The following PUDP variants were observed in gnomAD, a reference collection of about 807,000 sequenced individuals.
The protein encoded by PUDP is pseudouridine-5'-phosphatase.
A neutral mutation model predicts 9.4 loss-of-function variants in PUDP; 8 were observed. That is an observed-to-expected ratio of 0.85 (90% confidence interval 0.50 to 1.53). The LOEUF (loss-of-function observed/expected upper bound fraction) is 1.53, where lower values mean the gene tolerates loss of function less well. Ranked by LOEUF, PUDP falls within the 40% of genes most tolerant of loss-of-function variation. The pLI is 0.00. For synonymous variants in PUDP, 99 were observed against 80.7 expected (o/e 1.23, Z -1.22); for missense variants, 188 against 189.7 (o/e 0.99, Z 0.05).
chrX:7,056,768 G>A (rs901216656), intron 3 of PUDP, among the ~76,000 whole-genome samples: 1 of 111,772 alleles, frequency 8.9e-6, no homozygotes, highest in African/African-American at 3.3e-5. Context: ...GAAAGTCAGC[G>A]CTAGGGAATA....
At chrX:7,144,786 G>T (rs958872295) in intron 1 of PUDP, among the ~76,000 whole-genome samples, 3 of 111,807 alleles carry the variant, frequency 2.7e-5, no homozygotes, top group African/African-American at 9.8e-5. Context: ...ACCCTTCGCA[G>T]ATCTACCTTA....
intron 2 of PUDP, among the ~76,000 whole-genome samples, chrX:7,096,378 G>A (rs752690723): frequency 9.0e-6 from 1 of 111,169 alleles, no homozygotes; most frequent in South Asian, 3.8e-4. Context: ...CAAACACATA[G>A]GCATCATAAG....
At chrX:7,144,565 C>G (rs770115127) in intron 1 of PUDP, among the ~76,000 whole-genome samples, 1 of 111,017 alleles carries the variant, frequency 9.0e-6, no homozygotes, top group Admixed American at 9.6e-5. Flanking sequence ...CCTCCATGAC[C>G]TTTTAGGGTC....
chrX:6,854,837 G>C (rs1252545499), intron 3 of PUDP, among the ~76,000 whole-genome samples: 15 of 109,023 alleles, frequency 1.4e-4, no homozygotes, highest in African/African-American at 5.0e-4. Context: ...GTGCAGAGGT[G>C]GAAGGAAGTT....
intron 1 of PUDP, among the ~76,000 whole-genome samples, chrX:6,994,037 A>G (rs924011358): frequency 5.3e-5 from 6 of 112,869 alleles, no homozygotes; most frequent in Admixed American, 9.3e-5. Context: ...ATAAACCTAC[A>G]AAAATAATGT....
At chrX:6,746,002 G>T (rs1039941440) in intron 3 of PUDP, among the ~76,000 whole-genome samples, 29 of 111,710 alleles carry the variant, frequency 2.6e-4, no homozygotes, top group African/African-American at 8.8e-4. Flanking sequence ...CATAGAGAGG[G>T]GCAAGATCCA....
At chrX:6,751,523 C>A (rs1342466756) in intron 3 of PUDP, among the ~76,000 whole-genome samples, 1 of 111,516 alleles carries the variant, frequency 9.0e-6, no homozygotes, top group African/African-American at 3.3e-5. Flanking sequence ...TGAAAAATAC[C>A]AGATATTTCC....
At chrX:6,773,739 C>T (rs1001593567) in intron 3 of PUDP, among the ~76,000 whole-genome samples, 3 of 111,428 alleles carry the variant, frequency 2.7e-5, no homozygotes, top group Non-Finnish European at 3.8e-5. Flanking sequence ...ACGGCAACAC[C>T]CAGGAGTTTC....
chrX:7,044,965 T>C (rs1929966001), downstream of PUDP, among the ~76,000 whole-genome samples: 1 of 112,368 alleles, frequency 8.9e-6, no homozygotes, highest in Non-Finnish European at 1.9e-5. Flanking sequence ...GGTAAAGGAA[T>C]GGTACCCTTC....
At chrX:6,828,637 TGGA>T (rs1261815212) in intron 3 of PUDP, among the ~76,000 whole-genome samples, 11 of 111,215 alleles carry the variant, frequency 9.9e-5, no homozygotes, top group Non-Finnish European at 2.1e-4. Flanking sequence ...ATCATGACAT[TGGA>T]TCCACCACTG....
chrX:6,921,863 T>C (rs758463137), intron 3 of PUDP, among the ~76,000 whole-genome samples: 4 of 111,587 alleles, frequency 3.6e-5, no homozygotes, highest in Non-Finnish European at 7.5e-5. Flanking sequence ...TCCTGACCTA[T>C]GCCCTCAATT....
At chrX:6,751,795 T>C (rs1463333134) in intron 3 of PUDP, among the ~76,000 whole-genome samples, 1 of 111,513 alleles carries the variant, frequency 9.0e-6, no homozygotes, top group Non-Finnish European at 1.9e-5. Flanking sequence ...TGCAAGATAT[T>C]TTTACAGCAG....
At chrX:7,137,379 A>G (rs1457433271) in intron 1 of PUDP, among the ~76,000 whole-genome samples, 1 of 95,322 alleles carries the variant, frequency 1.0e-5, no homozygotes, top group Non-Finnish European at 2.1e-5. Flanking sequence ...TGTCTCTACT[A>G]AAAAAAAAAT....
At chrX:7,020,342 T>C (rs144875404) in intron 1 of PUDP, among the ~76,000 whole-genome samples, 1 of 105,079 alleles carries the variant, frequency 9.5e-6, no homozygotes, top group East Asian at 3.1e-4. Flanking sequence ...AGGTTGGCTG[T>C]AGTAATTACT....
At chrX:6,962,304 A>G (rs1928720486) in intron 3 of PUDP, among the ~76,000 whole-genome samples, 1 of 112,379 alleles carries the variant, frequency 8.9e-6, no homozygotes, top group Admixed American at 9.5e-5. Context: ...AATTTGTTTG[A>G]TTGAAATACT....
intron 3 of PUDP, among the ~76,000 whole-genome samples, chrX:6,912,722 C>T (rs948168286): frequency 5.4e-5 from 6 of 111,897 alleles, no homozygotes; most frequent in Non-Finnish European, 7.5e-5. Context: ...AAAGGAAAAG[C>T]GAACTATTTT....
chrX:7,146,844 T>G (rs1051694576), intron 1 of PUDP, among the ~76,000 whole-genome samples: 40 of 106,866 alleles, frequency 3.7e-4, no homozygotes, highest in African/African-American at 1.1e-3. Context: ...GGTTTTTTTT[T>G]TTTTTTTTTT....
At chrX:6,843,433 G>C (rs1041877423) in intron 3 of PUDP, among the ~76,000 whole-genome samples, 2 of 111,399 alleles carry the variant, frequency 1.8e-5, no homozygotes, top group African/African-American at 6.5e-5. Flanking sequence ...TGAGAAACAA[G>C]ACACAAATAT....
chrX:6,844,101 A>G (rs1926709276), intron 3 of PUDP, among the ~76,000 whole-genome samples: 1 of 112,175 alleles, frequency 8.9e-6, no homozygotes, highest in Non-Finnish European at 1.9e-5. Context: ...TCTATCTTCA[A>G]TGCCAGAAAT....
Sources: gnomAD v4.1 joint callset for allele counts (sites outside exome capture counted in the v4.1 genomes callset) on GRCh38, gnomAD v4.1.1 for gene constraint, MANE v1.5 for transcripts, NCBI Gene and HGNC (gene_info 2026-07-23, HGNC 2026-07-21) for gene names.